The following SLC2A9 variants were observed in gnomAD, a reference collection of about 807,000 sequenced individuals.
SLC2A9 encodes solute carrier family 2, facilitated glucose transporter member 9.
Under a neutral mutation model 50.6 loss-of-function variants are expected in SLC2A9, and 39 were observed. The observed-to-expected ratio is 0.77, with a 90% confidence interval of 0.60 to 1.01. SLC2A9 has a LOEUF of 1.01. Ranked by LOEUF, SLC2A9 falls within the 50% of genes least tolerant of loss-of-function variation. The pLI is 0.00. For missense variants in SLC2A9, 686 were observed against 677.6 expected, an observed-to-expected ratio of 1.01 and a Z score of -0.14; for synonymous variants, 324 against 276.9, an observed-to-expected ratio of 1.17 and a Z score of -1.69.
At chr4:9,782,871 A>T (rs1283946399) in intron 3 of SLC2A9, 1 of 1,613,502 alleles carries the variant, frequency 6.2e-7, no homozygotes, top group Non-Finnish European at 8.5e-7. Context: ...TGCGCGCCCG[A>T]CACCAGCCTG....
intron 5 of SLC2A9, among the ~76,000 whole-genome samples, chr4:9,951,071 T>C (rs1299032858): frequency 3.9e-5 from 6 of 152,118 alleles, no homozygotes; most frequent in Non-Finnish European, 2.9e-5. Context: ...TTCACAATAG[T>C]AAAGATATGG....
intron 3 of SLC2A9, among the ~76,000 whole-genome samples, chr4:9,812,613 C>T (rs1384101672): frequency 1.3e-5 from 2 of 151,858 alleles, no homozygotes; most frequent in African/African-American, 4.8e-5. Flanking sequence ...CATCTAGATG[C>T]AACATGCTCA....
chr4:9,931,506 G>T (rs986878252), intron 6 of SLC2A9, among the ~76,000 whole-genome samples: 3 of 152,194 alleles, frequency 2.0e-5, no homozygotes, highest in African/African-American at 7.2e-5. Context: ...TGTATGCCAG[G>T]CTTTGTGCGA....
At chr4:9,976,051 T>A (rs10939638) in intron 5 of SLC2A9, among the ~76,000 whole-genome samples, 109,230 of 152,080 alleles carry the variant, frequency 0.72, 40,321 homozygotes, top group East Asian at 0.98. Context: ...AACAATGGGT[T>A]CTCATGGACA....
At chr4:9,783,414 A>G (rs761482714) in intron 3 of SLC2A9, 5 of 1,613,656 alleles carry the variant, frequency 3.1e-6, no homozygotes, top group East Asian at 2.2e-5. Flanking sequence ...TGCGAGGGGG[A>G]GATTTCTTTA....
At chr4:9,951,658 T>C (rs2108848320) in intron 5 of SLC2A9, among the ~76,000 whole-genome samples, 1 of 152,350 alleles carries the variant, frequency 6.6e-6, no homozygotes, top group East Asian at 1.9e-4. Flanking sequence ...TTTAGGAATT[T>C]GGCTTTTTGA....
At chr4:9,938,138 G>C (rs1380989360) in intron 6 of SLC2A9, among the ~76,000 whole-genome samples, 1 of 152,138 alleles carries the variant, frequency 6.6e-6, no homozygotes, top group Non-Finnish European at 1.5e-5. Flanking sequence ...GCAGATACAC[G>C]ATTACTTATC....
chr4:10,030,922 C>T (rs1277541040), intron 1 of SLC2A9, among the ~76,000 whole-genome samples: 1 of 152,092 alleles, frequency 6.6e-6, no homozygotes, highest in Admixed American at 6.6e-5. Flanking sequence ...GGCTTAGGGG[C>T]TCCCAAAGCT....
chr4:10,001,594 C>T (rs1759816805), intron 2 of SLC2A9, among the ~76,000 whole-genome samples: 1 of 152,168 alleles, frequency 6.6e-6, no homozygotes. Flanking sequence ...GGCTTCTCAC[C>T]ACTTCCACCA....
At chr4:9,839,755 T>C (rs1217688928) in intron 10 of SLC2A9, among the ~76,000 whole-genome samples, 2 of 152,096 alleles carry the variant, frequency 1.3e-5, no homozygotes, top group African/African-American at 4.8e-5. Flanking sequence ...ATTTTCTCAC[T>C]TATAAATGGG....
downstream of SLC2A9, among the ~76,000 whole-genome samples, chr4:9,794,861 G>C (rs1720393142): frequency 6.6e-6 from 1 of 152,096 alleles, no homozygotes; most frequent in African/African-American, 2.4e-5. Flanking sequence ...AAGTGCATAT[G>C]GGCTACCCAC....
intron 2 of SLC2A9, among the ~76,000 whole-genome samples, chr4:9,998,365 C>T (rs1759119156): frequency 6.6e-6 from 1 of 152,150 alleles, no homozygotes; most frequent in African/African-American, 2.4e-5. Flanking sequence ...ATCAGCTGAA[C>T]CTTGGTTTTC....
In SLC2A9 at chr4:9,782,005, G is replaced by GA; in HGVS notation, n.386-1941dup. On this transcript the variant is annotated intron_variant and non_coding_transcript_variant, in intron 3 of 3. Coordinates refer to the SLC2A9 transcript ENST00000503803. ...AGGGCTGAAGTTGGGACCGCGCACAGACCGCCCCTGCAGTCCAGCCCGAAA... is the reference window on the plus strand; with the variant it reads ...AGGGCTGAAGTTGGGACCGCGCACAGAACCGCCCCTGCAGTCCAGCCCGAAA... The GA allele has an allele frequency of 2.1e-6, 3 of 1,433,370 alleles. No individual in the cohort carries two copies. In the South Asian group the frequency reaches 4.5e-5, roughly 21 times the overall value. 88.8% of individuals were successfully genotyped at this position (1,433,370 alleles called of 1,614,324 possible). A position where few individuals can be genotyped will look rare whatever the true frequency, so the allele number is the denominator to read the frequency against.
intron 3 of SLC2A9, among the ~76,000 whole-genome samples, chr4:9,800,112 T>C (rs959551039): frequency 8.6e-5 from 13 of 151,994 alleles, no homozygotes; most frequent in African/African-American, 3.1e-4. Context: ...ACTTCTGGAG[T>C]CCCATTTCTC....
At chr4:10,014,169 T>C (rs1762227222) in intron 2 of SLC2A9, among the ~76,000 whole-genome samples, 1 of 152,122 alleles carries the variant, frequency 6.6e-6, no homozygotes, top group Non-Finnish European at 1.5e-5. Flanking sequence ...TCTCCCTGGT[T>C]CTGGGGCTGC....
chr4:9,870,020 G>C (rs1267599281), intron 10 of SLC2A9, among the ~76,000 whole-genome samples: 1 of 152,226 alleles, frequency 6.6e-6, no homozygotes, highest in Non-Finnish European at 1.5e-5. Flanking sequence ...GCACACATAG[G>C]GGAAGGCCTG....
At position 10,021,373 on chromosome 4, in the gene SLC2A9, A is replaced by C; in HGVS notation, c.57T>G (p.Asp19Glu). 11 of 1,614,236 alleles carry C rather than the reference A, an allele frequency of 6.8e-6. No homozygotes were observed. The highest frequency in any genetic ancestry group is 9.3e-6 in the Non-Finnish European group (11 of 1,180,040). The stretch of plus-strand genomic sequence containing the variant: ...CTGGAGGCCCGGCGTGGCTGGTGTC[A>C]TCTGTGAGGGGAACTAGGCCCAGTT... ...SKELGLVPLT[D>E]DTSHAGPPGP... Residue 19 changes from aspartate (D) to glutamate (E), a missense_variant, in exon 1 of 12, where the codon GAT becomes GAG. Asp to Glu is a conservative substitution (Grantham distance 45, BLOSUM62 2). Transcript: ENST00000264784.
chr4:9,772,886 A>T (rs1369727369), intron 1 of SLC2A9, among the ~76,000 whole-genome samples: 3 of 151,424 alleles, frequency 2.0e-5, no homozygotes, highest in African/African-American at 7.3e-5. Flanking sequence ...GGTTAGTTAC[A>T]TATGTATACA....
intron 10 of SLC2A9, among the ~76,000 whole-genome samples, chr4:9,843,319 T>A (rs1403859002): frequency 3.9e-5 from 6 of 152,214 alleles, no homozygotes; most frequent in Non-Finnish European, 8.8e-5. Flanking sequence ...TAGCCATTAC[T>A]AATAACAACA....
Sources: allele counts gnomAD v4.1 joint callset (sites outside exome capture counted in the v4.1 genomes callset), GRCh38; gene constraint gnomAD v4.1.1; transcripts MANE v1.5; gene names NCBI Gene and HGNC (gene_info 2026-07-23, HGNC 2026-07-21).